The following THSD7A variants were observed in gnomAD, a reference collection of about 807,000 sequenced individuals.
THSD7A encodes thrombospondin type 1 domain containing 7A.
Under a neutral mutation model 231.3 loss-of-function variants are expected in THSD7A, and 96 were observed. That is an observed-to-expected ratio of 0.41 (90% CI 0.35 to 0.49). The LOEUF (loss-of-function observed/expected upper bound fraction) is 0.49. THSD7A is among the 20% of genes least tolerant of loss of function. The probability of loss-of-function intolerance (pLI) is 0.05; values close to 1 mark genes in which losing one functional copy is unlikely to be tolerated. For missense variants in THSD7A, 2,290 were observed against 2,070.2 expected, an observed-to-expected ratio of 1.11 and a Z score of -2.06; for synonymous variants, 940 against 743.3, an observed-to-expected ratio of 1.26 and a Z score of -4.30.
intron 2 of THSD7A, among the ~76,000 whole-genome samples, chr7:11,597,793 T>C (rs771944322): frequency 1.3e-5 from 2 of 152,122 alleles, no homozygotes; most frequent in Non-Finnish European, 2.9e-5. Flanking sequence ...CATCATCAAA[T>C]GGACGTGGTA....
chr7:11,619,250 T>C (rs1218355414), intron 2 of THSD7A, among the ~76,000 whole-genome samples: 1 of 152,116 alleles, frequency 6.6e-6, no homozygotes, highest in Non-Finnish European at 1.5e-5. Context: ...CTACAAGAAA[T>C]GCCCAGATGT....
chr7:11,687,904 T>TTTTA (rs879395263), intron 1 of THSD7A, among the ~76,000 whole-genome samples: 1 of 151,594 alleles, frequency 6.6e-6, no homozygotes, highest in Non-Finnish European at 1.5e-5. Flanking sequence ...TTAAGGCGAA[T>TTTTA]TTTATTTATT....
intron 1 of THSD7A, among the ~76,000 whole-genome samples, chr7:11,760,335 G>A (rs1353846906): frequency 1.3e-5 from 2 of 151,954 alleles, no homozygotes; most frequent in South Asian, 2.1e-4. Flanking sequence ...AATAGATAGT[G>A]CTTCAAAAAT....
chr7:11,813,294 G>T (rs958758574), intron 1 of THSD7A, among the ~76,000 whole-genome samples: 2 of 152,024 alleles, frequency 1.3e-5, no homozygotes, highest in Non-Finnish European at 2.9e-5. Flanking sequence ...TTATGAATTA[G>T]GTCCCCTAAA....
chr7:11,381,883 C>T lies in THSD7A; in HGVS notation c.4507+638G>A, dbSNP rs189201279. Among the ~76,000 whole-genome samples the T allele has an allele frequency of 1.9e-3, 294 of 152,152 alleles. 1 individual carries two copies. The highest frequency in any genetic ancestry group is 3.5e-3 in the Admixed American group (54 of 15,260). On this transcript the variant is annotated intron_variant, in intron 24 of 27. Coordinates refer to ENST00000423059, the MANE Select transcript of THSD7A (RefSeq NM_015204.3). ...CAGATAGGCTTTTAGTAATTCCACA[C>T]TAGAGTAGTTCTTTGGAGGTATATG...
At chr7:11,718,437 T>C (rs1401608453) in intron 1 of THSD7A, among the ~76,000 whole-genome samples, 2 of 151,678 alleles carry the variant, frequency 1.3e-5, no homozygotes, top group South Asian at 2.1e-4. Flanking sequence ...TATTGCCCTA[T>C]TAAAATATTT....
At chr7:11,544,334 C>T (rs1032898168) in intron 4 of THSD7A, among the ~76,000 whole-genome samples, 1 of 151,306 alleles carries the variant, frequency 6.6e-6, no homozygotes, top group Non-Finnish European at 1.5e-5. Context: ...GAGCGAGACA[C>T]AGTCGGAAAA....
intron 4 of THSD7A, among the ~76,000 whole-genome samples, chr7:11,561,807 C>A (rs891636735): frequency 6.6e-6 from 1 of 152,100 alleles, no homozygotes; most frequent in Non-Finnish European, 1.5e-5. Context: ...AGGGAGGTCA[C>A]AGCACTGCAT....
chr7:11,475,832 C>T (rs1029328731), intron 7 of THSD7A, among the ~76,000 whole-genome samples: 1 of 150,390 alleles, frequency 6.6e-6, no homozygotes, highest in East Asian at 2.0e-4. Flanking sequence ...TTATTTCCAT[C>T]TGCATCTATT....
intron 6 of THSD7A, among the ~76,000 whole-genome samples, chr7:11,522,097 A>G (rs866600585): frequency 6.6e-6 from 1 of 152,152 alleles, no homozygotes; most frequent in Non-Finnish European, 1.5e-5. Flanking sequence ...CCTGATAAAA[A>G]TTTTGATAGC....
At chr7:11,663,674 A>C (rs148402603) in intron 1 of THSD7A, among the ~76,000 whole-genome samples, 34 of 151,748 alleles carry the variant, frequency 2.2e-4, no homozygotes, top group Middle Eastern at 3.4e-3. Context: ...AATACAATAC[A>C]TCAAAAGGAT....
intron 6 of THSD7A, among the ~76,000 whole-genome samples, chr7:11,487,157 A>G (rs1786691424): frequency 1.3e-5 from 2 of 152,104 alleles, no homozygotes; most frequent in African/African-American, 4.8e-5. Context: ...TGTTTGGTCT[A>G]TTTTCATGAA....
chr7:11,613,430 G>A (rs1018129926), intron 2 of THSD7A, among the ~76,000 whole-genome samples: 1 of 152,134 alleles, frequency 6.6e-6, no homozygotes, highest in African/African-American at 2.4e-5. Flanking sequence ...GGCTGTTACG[G>A]CTCAGTGGAA....
chr7:11,661,758 T>C (rs1327733459), intron 1 of THSD7A, among the ~76,000 whole-genome samples: 1 of 151,196 alleles, frequency 6.6e-6, no homozygotes, highest in Non-Finnish European at 1.5e-5. Context: ...AAATAAAAAC[T>C]GAACAGGTAA....
rs745438138 is a variant in THSD7A, at chr7:11,412,809, G to C, written c.3538-9C>G. On this transcript the variant is annotated splice_polypyrimidine_tract_variant and intron_variant, in intron 17 of 27. Transcript: ENST00000423059. ...CTGCTTTGATTGCAAGGCTTAAAAA[G>C]AACAGTACAAATTCTCAGAAAGGTG... 1 of 1,607,736 alleles carries C rather than the reference G, an allele frequency of 6.2e-7. No individual in the cohort carries two copies. The highest frequency in any genetic ancestry group is 8.5e-7 in the Non-Finnish European group (1 of 1,176,546).
At chr7:11,786,061 A>G (rs944837197) in intron 1 of THSD7A, among the ~76,000 whole-genome samples, 1 of 152,018 alleles carries the variant, frequency 6.6e-6, no homozygotes, top group Non-Finnish European at 1.5e-5. Flanking sequence ...TAAAATAATA[A>G]TTTGTTTTAT....
In THSD7A at chr7:11,502,353, A is replaced by T. The variant is rs142379182; in HGVS notation, c.1823-20371T>A. Among the ~76,000 whole-genome samples the T allele has an allele frequency of 1.4e-3, 214 of 152,302 alleles. 1 individual carries two copies. Among genetic ancestry groups the T allele is most frequent in the African/African-American group, 4.4e-3 (182 of 41,562 alleles). On this transcript the variant is annotated intron_variant, in intron 6 of 27. Coordinates refer to ENST00000423059, the MANE Select transcript of THSD7A (RefSeq NM_015204.3). ...CAACAACAACAAAAACTTCAGGCCAATATCCTTGATGAACATCGATGCAAC... is the reference window on the plus strand; with the variant it reads ...CAACAACAACAAAAACTTCAGGCCATTATCCTTGATGAACATCGATGCAAC...
intron 1 of THSD7A, among the ~76,000 whole-genome samples, chr7:11,772,724 G>A (rs1204954452): frequency 6.6e-6 from 1 of 152,114 alleles, no homozygotes; most frequent in African/African-American, 2.4e-5. Flanking sequence ...CAGGGGGAGG[G>A]TAGAAGGAGG....
intron 13 of THSD7A, 142 bp from the exon 14 acceptor site, chr7:11,429,267 C>T: frequency 1.4e-6 from 1 of 724,322 alleles, no homozygotes; most frequent in Non-Finnish European, 2.1e-6. Context: ...TTGTAAGGGA[C>T]TTGAATTAAA....
Sources: allele counts gnomAD v4.1 joint callset (sites outside exome capture counted in the v4.1 genomes callset), GRCh38; gene constraint gnomAD v4.1.1; transcripts MANE v1.5; gene names NCBI Gene and HGNC (gene_info 2026-07-23, HGNC 2026-07-21).